Variants in FSTL5 observed in about 807,000 individuals in gnomAD.
FSTL5 encodes follistatin like 5.
Under a neutral mutation model 89.1 loss-of-function variants are expected in FSTL5, and 62 were observed. That is an observed-to-expected ratio of 0.70 (90% confidence interval 0.57 to 0.86). The LOEUF is 0.86. Ranked by LOEUF, FSTL5 falls within the 40% of genes least tolerant of loss-of-function variation. The pLI is 0.00. For synonymous variants in FSTL5, 383 were observed against 346.2 expected, an observed-to-expected ratio of 1.11 and a Z score of -1.18; for missense variants, 1,057 against 1,001.6, an observed-to-expected ratio of 1.06 and a Z score of -0.75.
At position 161,705,974 on chromosome 4, in the gene FSTL5, A is replaced by G. The variant is rs868772300; in HGVS notation, c.728-49480T>C. Among the ~76,000 whole-genome samples, 92 of 85,632 alleles carry G rather than the reference A, an allele frequency of 1.1e-3. 7 individuals carry two copies. Among genetic ancestry groups the G allele is most frequent in the East Asian group, 8.5e-3 (21 of 2,460 alleles). 56.2% of individuals were successfully genotyped at this position (85,632 alleles called of 152,430 possible). On this transcript the variant is annotated intron_variant, in intron 6 of 15. Transcript: ENST00000306100. ...TGTGTATATATATATATATATATAT[A>G]TATATATATATATATATATATACAC...
At chr4:161,688,046 G>T (rs978892315) in intron 6 of FSTL5, among the ~76,000 whole-genome samples, 10 of 152,080 alleles carry the variant, frequency 6.6e-5, no homozygotes, top group Non-Finnish European at 1.3e-4. Flanking sequence ...ATAAATTTCT[G>T]TTCTTTATAA....
At chr4:161,706,677 A>C (rs1378925016) in intron 6 of FSTL5, among the ~76,000 whole-genome samples, 3 of 152,046 alleles carry the variant, frequency 2.0e-5, no homozygotes, top group African/African-American at 7.2e-5. Context: ...GCAGTTTATA[A>C]ATATTTATTA....
At chr4:161,741,390 T>G (rs1182365662) in intron 6 of FSTL5, among the ~76,000 whole-genome samples, 1 of 152,116 alleles carries the variant, frequency 6.6e-6, no homozygotes, top group Non-Finnish European at 1.5e-5. Context: ...GGCACAATGT[T>G]ACTGGTTTTA....
intron 1 of FSTL5, among the ~76,000 whole-genome samples, chr4:162,153,905 A>G (rs980453975): frequency 6.6e-6 from 1 of 151,138 alleles, no homozygotes; most frequent in African/African-American, 2.4e-5. Context: ...CCTTGGGTTC[A>G]AGTGATTCTC....
intron 15 of FSTL5, among the ~76,000 whole-genome samples, chr4:161,409,988 C>G (rs61603966): frequency 0.11 from 16,213 of 152,076 alleles, 861 homozygotes; most frequent in Non-Finnish European, 0.12. Context: ...CTCAAGAGAC[C>G]GATTTCACAT....
At chr4:161,707,448 T>G (rs1424755573) in intron 6 of FSTL5, among the ~76,000 whole-genome samples, 1 of 151,888 alleles carries the variant, frequency 6.6e-6, no homozygotes, top group African/African-American at 2.4e-5. Flanking sequence ...AACTTTGAAA[T>G]CATGCATCAT....
chr4:161,904,129 C>G (rs1023669612), intron 4 of FSTL5, among the ~76,000 whole-genome samples: 1 of 151,742 alleles, frequency 6.6e-6, no homozygotes, highest in Non-Finnish European at 1.5e-5. Context: ...TAGTTTTTCT[C>G]AGTTTTTCTT....
intron 3 of FSTL5, among the ~76,000 whole-genome samples, chr4:162,026,510 G>T (rs553283519): frequency 6.6e-6 from 1 of 151,712 alleles, no homozygotes; most frequent in Non-Finnish European, 1.5e-5. Flanking sequence ...ATTTCACCAT[G>T]TTGGCAAGGC....
intron 4 of FSTL5, among the ~76,000 whole-genome samples, chr4:161,785,445 A>G (rs1161196635): frequency 1.3e-5 from 2 of 152,184 alleles, no homozygotes; most frequent in East Asian, 3.9e-4. Flanking sequence ...AAATTATTAG[A>G]GCAACTAAAT....
intron 8 of FSTL5, among the ~76,000 whole-genome samples, chr4:161,560,953 A>G (rs1732574905): frequency 1.3e-5 from 2 of 152,024 alleles, no homozygotes; most frequent in African/African-American, 4.8e-5. Flanking sequence ...ATTATCAAGT[A>G]TTATGTAGTA....
intron 8 of FSTL5, among the ~76,000 whole-genome samples, chr4:161,573,705 C>T (rs1293277702): frequency 8.1e-6 from 1 of 123,026 alleles, no homozygotes; most frequent in Non-Finnish European, 1.6e-5. Context: ...TGCACTCCAG[C>T]CTGGGCAACA....
chr4:161,841,227 T>A (rs560728313), intron 4 of FSTL5, among the ~76,000 whole-genome samples: 1 of 152,348 alleles, frequency 6.6e-6, no homozygotes, highest in Non-Finnish European at 1.5e-5. Flanking sequence ...CCTGCCAGAA[T>A]CTGATTGATT....
intron 7 of FSTL5, among the ~76,000 whole-genome samples, chr4:161,600,640 C>CA (rs138550384): frequency 0.023 from 3,482 of 151,682 alleles, 126 homozygotes; most frequent in African/African-American, 0.078. Flanking sequence ...AAAATTAAGG[C>CA]AAAAAAATCT....
At chr4:161,764,544 C>A (rs1390170956) in intron 5 of FSTL5, among the ~76,000 whole-genome samples, 1 of 152,054 alleles carries the variant, frequency 6.6e-6, no homozygotes, top group Non-Finnish European at 1.5e-5. Context: ...CAGGTGTGAG[C>A]CACTGCATCT....
chr4:162,022,032 A>C (rs1214035673), intron 3 of FSTL5, among the ~76,000 whole-genome samples: 6 of 151,554 alleles, frequency 4.0e-5, no homozygotes, highest in Admixed American at 4.0e-4. Context: ...CAGAGATTGC[A>C]GTGGGCCGAG....
intron 13 of FSTL5, among the ~76,000 whole-genome samples, chr4:161,463,839 C>T (rs1228425016): frequency 6.6e-6 from 1 of 152,172 alleles, no homozygotes; most frequent in African/African-American, 2.4e-5. Flanking sequence ...TACTTCACAT[C>T]CTCAGGAAAT....
chr4:161,728,453 G>A (rs1316709602), intron 6 of FSTL5, among the ~76,000 whole-genome samples: 1 of 152,092 alleles, frequency 6.6e-6, no homozygotes, highest in Admixed American at 6.5e-5. Flanking sequence ...GAAAATTGTT[G>A]CTTACTTAAT....
chr4:161,757,569 G>A (rs1327555531), intron 6 of FSTL5, among the ~76,000 whole-genome samples: 1 of 152,020 alleles, frequency 6.6e-6, no homozygotes, highest in Non-Finnish European at 1.5e-5. Context: ...GTTAATTTCT[G>A]TGTATTTCAC....
intron 2 of FSTL5, among the ~76,000 whole-genome samples, chr4:162,101,666 T>C (rs1318399800): frequency 6.6e-6 from 1 of 152,208 alleles, no homozygotes; most frequent in South Asian, 2.1e-4. Flanking sequence ...CAAGAAATAA[T>C]GGAATAAGTA....
Sources: gnomAD v4.1 joint callset for allele counts (sites outside exome capture counted in the v4.1 genomes callset) on GRCh38, gnomAD v4.1.1 for gene constraint, MANE v1.5 for transcripts, NCBI Gene and HGNC (gene_info 2026-07-23, HGNC 2026-07-21) for gene names.